The following PHF21B variants were observed in gnomAD, a reference collection of about 807,000 sequenced individuals.
PHF21B encodes PHD finger protein 4.
In PHF21B, 22 loss-of-function variants were observed where a neutral mutation model predicts 62.2. That is an observed-to-expected ratio of 0.35 (90% CI 0.25 to 0.51). The LOEUF (loss-of-function observed/expected upper bound fraction) is 0.51. Among genes scored for constraint, PHF21B ranks in the 20% least tolerant of loss-of-function variants. The pLI, the probability that PHF21B is intolerant of heterozygous loss-of-function variation, is 0.97. For missense variants in PHF21B, 701 were observed against 707.9 expected, an observed-to-expected ratio of 0.99 and a Z score of 0.11; for synonymous variants, 341 against 314.7, an observed-to-expected ratio of 1.08 and a Z score of -0.88.
chr22:44,913,532 A>G (rs965316706), intron 5 of PHF21B, among the ~76,000 whole-genome samples: 6 of 152,234 alleles, frequency 3.9e-5, no homozygotes, highest in Non-Finnish European at 7.3e-5. Context: ...CGAGCTGCTC[A>G]CGGTCACACC....
intron 2 of PHF21B, chr22:44,933,431 T>A (rs1000211884): frequency 1.0e-6 from 1 of 982,886 alleles, no homozygotes; most frequent in African/African-American, 1.7e-5. Flanking sequence ...CCTGAAGCCA[T>A]TGGCACTGAC....
rs935643720 is a variant in PHF21B, at chr22:44,882,096, C to G, written c.*990G>C. The G allele has an allele frequency of 6.5e-6, 1 of 152,746 alleles. No individual in the cohort carries two copies. The highest frequency in any genetic ancestry group is 2.4e-5 in the African/African-American group (1 of 41,452). 9.5% of individuals were successfully genotyped at this position (152,746 alleles called of 1,614,324 possible). A position where few individuals can be genotyped will look rare whatever the true frequency, so the allele number is the denominator to read the frequency against. Reference sequence around the variant, plus strand: ...CATTAAATATCTCACAATAAAAACGCCATACAAAAGTGTGAAGTTATTTTT... The same window carrying G: ...CATTAAATATCTCACAATAAAAACGGCATACAAAAGTGTGAAGTTATTTTT... On this transcript the variant is annotated 3_prime_UTR_variant, in exon 13 of 13. Coordinates refer to ENST00000313237, the MANE Select transcript of PHF21B (RefSeq NM_138415.5).
At chr22:44,920,199 C>A (rs1398985291) in intron 3 of PHF21B, among the ~76,000 whole-genome samples, 199 bp downstream of exon 3, 1 of 152,226 alleles carries the variant, frequency 6.6e-6, no homozygotes, top group Non-Finnish European at 1.5e-5. Context: ...TTTCCCAATT[C>A]CTTGCTGAAG....
intron 11 of PHF21B, 31 bp from the exon 12 acceptor site, chr22:44,885,560 G>C (rs901601255): frequency 5.1e-6 from 8 of 1,557,208 alleles, no homozygotes; most frequent in Non-Finnish European, 6.1e-6. Flanking sequence ...TCCCTGGAGA[G>C]GGGCAGGTAA....
chr22:44,897,434 C>A (rs1336911888), intron 5 of PHF21B, among the ~76,000 whole-genome samples: 1 of 152,026 alleles, frequency 6.6e-6, no homozygotes, highest in African/African-American at 2.4e-5. Flanking sequence ...TTATATAAGA[C>A]CCCTGTTGGT....
intron 8 of PHF21B, among the ~76,000 whole-genome samples, chr22:44,890,472 G>T (rs1429703027): frequency 2.6e-5 from 4 of 152,224 alleles, no homozygotes; most frequent in Non-Finnish European, 4.4e-5. Context: ...ACAAAGTGCA[G>T]TCACACTCGC....
At chr22:44,945,010 C>T (rs892489250) in intron 2 of PHF21B, among the ~76,000 whole-genome samples, 3 of 117,040 alleles carry the variant, frequency 2.6e-5, no homozygotes, top group Non-Finnish European at 5.3e-5. Flanking sequence ...TCCTGCATAC[C>T]GGGCTGCGCC....
At chr22:44,950,667 G>A (rs1025195784) in intron 2 of PHF21B, among the ~76,000 whole-genome samples, 20 of 152,014 alleles carry the variant, frequency 1.3e-4, no homozygotes, top group African/African-American at 4.1e-4. Context: ...AAGGTTTTAC[G>A]GCTTCACTGG....
intron 9 of PHF21B, among the ~76,000 whole-genome samples, chr22:44,888,930 C>T (rs977317963): frequency 3.9e-5 from 6 of 152,230 alleles, no homozygotes; most frequent in African/African-American, 1.4e-4. Flanking sequence ...AGTCTGTGGG[C>T]TCTGTGGGGA....
intron 2 of PHF21B, among the ~76,000 whole-genome samples, chr22:44,942,874 C>A (rs939647088): frequency 6.6e-6 from 1 of 152,010 alleles, no homozygotes; most frequent in Non-Finnish European, 1.5e-5. Flanking sequence ...TGGGGTGGGG[C>A]TGGAGTGGCT....
chr22:44,949,445 G>A (rs1189678001), intron 2 of PHF21B, among the ~76,000 whole-genome samples: 1 of 151,888 alleles, frequency 6.6e-6, no homozygotes, highest in Non-Finnish European at 1.5e-5. Context: ...GTGTTCCCTC[G>A]TCACCCCCAT....
At chr22:44,940,823 G>A (rs1369093014) in intron 2 of PHF21B, among the ~76,000 whole-genome samples, 1 of 152,232 alleles carries the variant, frequency 6.6e-6, no homozygotes, top group Non-Finnish European at 1.5e-5. Flanking sequence ...GTGGGCAGGA[G>A]TGGGTGAGAT....
intron 2 of PHF21B, among the ~76,000 whole-genome samples, chr22:44,975,517 C>T (rs1328982348): frequency 6.6e-6 from 1 of 152,214 alleles, no homozygotes; most frequent in African/African-American, 2.4e-5. Context: ...CATCACTGGG[C>T]GCCCTCCTGC....
intron 2 of PHF21B, among the ~76,000 whole-genome samples, chr22:44,933,781 G>T (rs1408664480): frequency 6.6e-6 from 1 of 152,006 alleles, no homozygotes; most frequent in African/African-American, 2.4e-5. Context: ...ACAGACACAT[G>T]ACTGCCCCAA....
chr22:44,927,438 C>T (rs1360458787), intron 2 of PHF21B, among the ~76,000 whole-genome samples: 1 of 152,098 alleles, frequency 6.6e-6, no homozygotes, highest in Non-Finnish European at 1.5e-5. Context: ...ACCTACAGCC[C>T]CAGCACCAAA....
chr22:44,964,970 G>A (rs776307598), intron 2 of PHF21B, among the ~76,000 whole-genome samples: 10 of 152,208 alleles, frequency 6.6e-5, no homozygotes, highest in Non-Finnish European at 1.2e-4. Context: ...AGATGAGGTG[G>A]TTGGGAAAAC....
chr22:44,885,544 G>A lies in PHF21B; in HGVS notation c.1274-15C>T. Reference sequence around the variant, plus strand: ...CTCTTCTTTGACTAGAAAAGAGAAGGCCAGGTCCCTGGAGAGGGGCAGGTA... The same window carrying A: ...CTCTTCTTTGACTAGAAAAGAGAAGACCAGGTCCCTGGAGAGGGGCAGGTA... On this transcript the variant is annotated splice_polypyrimidine_tract_variant and intron_variant, in intron 11 of 12. Transcript: ENST00000313237. 6.4e-7 allele frequency: 1 copy of A among 1,574,528 alleles called. No individual in the cohort carries two copies. Among genetic ancestry groups the A allele is most frequent in the Non-Finnish European group, 8.6e-7 (1 of 1,159,580 alleles).
intron 3 of PHF21B, among the ~76,000 whole-genome samples, 163 bp from the exon 4 acceptor site, chr22:44,916,793 A>G (rs6519903): frequency 6.6e-6 from 1 of 152,076 alleles, no homozygotes; most frequent in Non-Finnish European, 1.5e-5. Flanking sequence ...CTCGACCCCA[A>G]TGCCTCCCTC....
intron 2 of PHF21B, among the ~76,000 whole-genome samples, chr22:44,979,820 G>A (rs1157948323): frequency 2.0e-5 from 3 of 151,744 alleles, no homozygotes; most frequent in Non-Finnish European, 2.9e-5. Flanking sequence ...TGTAATCCTA[G>A]CACTTTGGGA....
Sources: allele counts gnomAD v4.1 joint callset (sites outside exome capture counted in the v4.1 genomes callset), GRCh38; gene constraint gnomAD v4.1.1; transcripts MANE v1.5; gene names NCBI Gene and HGNC (gene_info 2026-07-23, HGNC 2026-07-21).